Variants in KDM4C observed in about 807,000 individuals in gnomAD.
KDM4C encodes lysine-specific demethylase 4C.
A neutral mutation model predicts 129.3 loss-of-function variants in KDM4C; 81 were observed. That is an observed-to-expected ratio of 0.63 (90% confidence interval 0.52 to 0.75). The LOEUF (loss-of-function observed/expected upper bound fraction) is 0.75, where lower values mean the gene tolerates loss of function less well. Ranked by LOEUF, KDM4C falls within the 30% of genes least tolerant of loss-of-function variation. The pLI, the probability that KDM4C is intolerant of heterozygous loss-of-function variation, is 0.00. For synonymous variants in KDM4C, 573 were observed against 456.1 expected, an observed-to-expected ratio of 1.26 and a Z score of -3.26; for missense variants, 1,457 against 1,304.0, an observed-to-expected ratio of 1.12 and a Z score of -1.81.
intron 8 of KDM4C, among the ~76,000 whole-genome samples, chr9:6,917,654 C>T (rs570715860): frequency 8.3e-4 from 127 of 152,284 alleles, no homozygotes; most frequent in South Asian, 4.8e-3. Context: ...GCCATGTTGC[C>T]GAGTTCGTTG....
At position 7,080,527 on chromosome 9, in the gene KDM4C, A is replaced by G. The variant is rs575705360; in HGVS notation, c.2425-23158A>G. On this transcript the variant is annotated intron_variant, in intron 17 of 21. Transcript: ENST00000381309. Reference sequence around the variant, plus strand: ...ATGCTTGATATGGGAATGTGTATTAATACAATTTATTTGAATTGCAAAAGG... The same window carrying G: ...ATGCTTGATATGGGAATGTGTATTAGTACAATTTATTTGAATTGCAAAAGG... 2.0e-5 allele frequency among the ~76,000 whole-genome samples: 3 copies of G among 152,340 alleles called. No homozygotes were observed. The East Asian group carries it at 5.8e-4, about 29-fold the overall frequency.
At chr9:6,765,611 A>G (rs1033154350) in intron 1 of KDM4C, among the ~76,000 whole-genome samples, 1 of 152,204 alleles carries the variant, frequency 6.6e-6, no homozygotes, top group African/African-American at 2.4e-5. Context: ...TAGGTGCTCA[A>G]CGAACATTTA....
chr9:6,976,425 T>C (rs1692127411), intron 8 of KDM4C, among the ~76,000 whole-genome samples: 1 of 152,220 alleles, frequency 6.6e-6, no homozygotes, highest in Non-Finnish European at 1.5e-5. Flanking sequence ...CTTCCATTTG[T>C]CCATAATATT....
At chr9:7,078,826 G>C (rs1440611151) in intron 17 of KDM4C, among the ~76,000 whole-genome samples, 1 of 152,144 alleles carries the variant, frequency 6.6e-6, no homozygotes, top group Non-Finnish European at 1.5e-5. Context: ...AGGTGTCCAT[G>C]AGCAACCCCA....
rs1158199897 is a variant in KDM4C at position 6,944,652 on chromosome 9, G to GTTTTTTTTTTTTTTTTTTTTTT, written c.922-36272_922-36251dup. ...CAACACACTTTTTGTCAAGGTAGAGGTTTTTTTTTTTTTTTTTTTTTTGCC... is the reference window on the plus strand; with the variant it reads ...CAACACACTTTTTGTCAAGGTAGAGGTTTTTTTTTTTTTTTTTTTTTTTTTTTTTTTTTTTTTTTTTTTTGCC... On this transcript the variant is annotated intron_variant, in intron 8 of 21. Transcript: ENST00000381309. Among the ~76,000 whole-genome samples, 18 of 80,994 alleles carry GTTTTTTTTTTTTTTTTTTTTTT rather than the reference G, an allele frequency of 2.2e-4. 5 individuals are homozygous for GTTTTTTTTTTTTTTTTTTTTTT. Among genetic ancestry groups the GTTTTTTTTTTTTTTTTTTTTTT allele is most frequent in the Admixed American group, 5.4e-4 (3 of 5,578 alleles). 53.1% of individuals were successfully genotyped at this position (80,994 alleles called of 152,430 possible).
chr9:6,736,590 G>A (rs1056458515), intron 1 of KDM4C, among the ~76,000 whole-genome samples: 2 of 152,054 alleles, frequency 1.3e-5, no homozygotes, highest in Non-Finnish European at 2.9e-5. Context: ...GCCTATGGGT[G>A]CACAGAAGTC....
intron 8 of KDM4C, among the ~76,000 whole-genome samples, chr9:6,959,156 A>T (rs1156936326): frequency 6.6e-6 from 1 of 152,118 alleles, no homozygotes; most frequent in Non-Finnish European, 1.5e-5. Context: ...ACCCCCAAAC[A>T]CTACTTTTAA....
chr9:7,073,411 A>G (rs1017444442), intron 17 of KDM4C, among the ~76,000 whole-genome samples: 1 of 152,212 alleles, frequency 6.6e-6, no homozygotes, highest in African/African-American at 2.4e-5. Flanking sequence ...TGTTATATAG[A>G]TAATAGTTGA....
intron 1 of KDM4C, chr9:6,734,485 G>A (rs892110204): frequency 5.9e-6 from 1 of 169,920 alleles, no homozygotes; most frequent in Admixed American, 6.3e-5. Context: ...GTAGAGACAG[G>A]GTTTCTCCAT....
At chr9:7,162,476 C>G (rs1843907474) in intron 19 of KDM4C, among the ~76,000 whole-genome samples, 1 of 152,184 alleles carries the variant, frequency 6.6e-6, no homozygotes, top group Admixed American at 6.5e-5. Context: ...CTAACTATCT[C>G]AGGCATTGTT....
chr9:7,113,357 C>G (rs955818644), intron 18 of KDM4C, among the ~76,000 whole-genome samples: 1 of 152,212 alleles, frequency 6.6e-6, no homozygotes, highest in Non-Finnish European at 1.5e-5. Context: ...ACATTCAGAA[C>G]CTATCTTTCT....
chr9:6,785,978 G>C (rs986871195), intron 1 of KDM4C, among the ~76,000 whole-genome samples: 1 of 152,202 alleles, frequency 6.6e-6, no homozygotes, highest in Non-Finnish European at 1.5e-5. Context: ...AACTGTGAGT[G>C]CTTAGGTTCC....
intron 8 of KDM4C, among the ~76,000 whole-genome samples, chr9:6,959,410 C>G (rs372213948): frequency 5.3e-5 from 8 of 152,132 alleles, no homozygotes; most frequent in South Asian, 2.1e-4. Flanking sequence ...GGAGAATATG[C>G]CTTGAAGAAT....
chr9:7,132,598 C>T (rs951389064), intron 19 of KDM4C, among the ~76,000 whole-genome samples: 5 of 152,204 alleles, frequency 3.3e-5, no homozygotes, highest in Admixed American at 2.0e-4. Flanking sequence ...CTCCATCTGT[C>T]AGTCTATGAA....
At chr9:7,159,526 G>T (rs1843551232) in intron 19 of KDM4C, among the ~76,000 whole-genome samples, 1 of 152,148 alleles carries the variant, frequency 6.6e-6, no homozygotes, top group African/African-American at 2.4e-5. Context: ...AGGCAGGCCT[G>T]GTGGTGACAA....
rs79754853 is a variant in KDM4C, at chr9:7,126,515, A to C, written c.2611-1551A>C. Among the ~76,000 whole-genome samples the C allele has an allele frequency of 2.3e-3, 355 of 152,340 alleles. 2 individuals carry two copies. The highest frequency in any genetic ancestry group is 6.0e-3 in the Admixed American group (91 of 15,290). The stretch of plus-strand genomic sequence containing the variant: ...GGATGAAGATACAAATATGGAATAG[A>C]GGGAGGCAAGAAAGAACCTGCAGGG... On this transcript the variant is annotated intron_variant, in intron 18 of 21. Transcript: ENST00000381309.
rs575679105 is a variant in KDM4C at position 6,817,605 on chromosome 9, C to T, written c.435+2860C>T. ...AAAAGTTAAAAAAATAGCCTTTCCTCATTCTGCATCTGAATTTTTACTAGT... is the reference window on the plus strand; with the variant it reads ...AAAAGTTAAAAAAATAGCCTTTCCTTATTCTGCATCTGAATTTTTACTAGT... On this transcript the variant is annotated intron_variant, in intron 4 of 21. Coordinates refer to ENST00000381309, the MANE Select transcript of KDM4C (RefSeq NM_015061.6). 3.9e-5 allele frequency among the ~76,000 whole-genome samples: 6 copies of T among 152,172 alleles called. No individual in the cohort carries two copies. The South Asian group carries it at 1.3e-3, about 32-fold the overall frequency.
intron 8 of KDM4C, among the ~76,000 whole-genome samples, chr9:6,926,708 G>A (rs1026164976): frequency 1.3e-5 from 2 of 152,106 alleles, no homozygotes; most frequent in African/African-American, 2.4e-5. Context: ...TTAGAGAAAC[G>A]GACATTCAGA....
intron 1 of KDM4C, among the ~76,000 whole-genome samples, chr9:6,742,918 G>A (rs1181146624): frequency 6.6e-6 from 1 of 152,032 alleles, no homozygotes; most frequent in African/African-American, 2.4e-5. Flanking sequence ...GGCTGAGGCA[G>A]GAAAATCGCT....
Sources: allele counts gnomAD v4.1 joint callset (sites outside exome capture counted in the v4.1 genomes callset), GRCh38; gene constraint gnomAD v4.1.1; transcripts MANE v1.5; gene names NCBI Gene and HGNC (gene_info 2026-07-23, HGNC 2026-07-21).